Variants in UMODL1 observed in about 807,000 individuals in gnomAD.
UMODL1 encodes the protein uromodulin like 1.
UMODL1 carries 128 observed loss-of-function variants against 136.3 expected under a neutral mutation model. The ratio of observed to expected loss-of-function variants is 0.94; its 90% CI spans 0.81 to 1.09. The LOEUF (loss-of-function observed/expected upper bound fraction) is 1.09, where lower values mean the gene tolerates loss of function less well. Among genes scored for constraint, UMODL1 ranks in the 50% least tolerant of loss-of-function variants. UMODL1 has a pLI of 0.00. For synonymous variants in UMODL1, 721 were observed against 720.0 expected, an observed-to-expected ratio of 1.00 and a Z score of -0.02; for missense variants, 1,766 against 1,725.6, an observed-to-expected ratio of 1.02 and a Z score of -0.41.
At chr21:42,106,698 C>T (rs903044189) in intron 9 of UMODL1, among the ~76,000 whole-genome samples, 7 of 152,232 alleles carry the variant, frequency 4.6e-5, no homozygotes, top group African/African-American at 2.4e-5. Flanking sequence ...GTTGCACCCT[C>T]ACAGCGGCGG....
At chr21:42,092,719 C>T (rs1325537204) in intron 6 of UMODL1, among the ~76,000 whole-genome samples, 1 of 152,222 alleles carries the variant, frequency 6.6e-6, no homozygotes, top group Non-Finnish European at 1.5e-5. Context: ...TGAGGACCAT[C>T]CCTTTGTTCA....
At chr21:42,092,738 C>A (rs961565553) in intron 6 of UMODL1, among the ~76,000 whole-genome samples, 1 of 152,244 alleles carries the variant, frequency 6.6e-6, no homozygotes, top group Non-Finnish European at 1.5e-5. Context: ...CACAATAACA[C>A]CACAGCTGGC....
At position 42,084,243 on chromosome 21, in the gene UMODL1, A is replaced by G; in HGVS notation, c.479A>G (p.Gln160Arg). Reference protein sequence around the residue: ...GGRYCMAPAPQAPERDPVGSW... With the variant: ...GGRYCMAPAPRAPERDPVGSW... ...CGCTACTGCATGGCCCCTGCACCCCAAGGTAGGCTGCTGCGGGCCATGCTT... is the reference window on the plus strand; with the variant it reads ...CGCTACTGCATGGCCCCTGCACCCCGAGGTAGGCTGCTGCGGGCCATGCTT... The change falls in exon 3 of 23, where the codon CAA becomes CGA. Residue 160 changes from glutamine to arginine, a missense_variant and splice_region_variant. Coordinates refer to ENST00000408910, the MANE Select transcript of UMODL1 (RefSeq NM_001004416.3). 2 of 1,611,490 alleles carry G rather than the reference A, an allele frequency of 1.2e-6. No homozygotes were observed. Among genetic ancestry groups the G allele is most frequent in the South Asian group, 2.2e-5 (2 of 91,006 alleles).
chr21:42,081,720 AC>A (rs2066364302), intron 2 of UMODL1, among the ~76,000 whole-genome samples: 1 of 152,106 alleles, frequency 6.6e-6, no homozygotes, highest in Non-Finnish European at 1.5e-5. Flanking sequence ...GCTTCCCCTA[AC>A]GTTAGCATCT....
chr21:42,077,489 C>CA (rs35433780), intron 2 of UMODL1, among the ~76,000 whole-genome samples: 95,294 of 151,350 alleles, frequency 0.63, 30,711 homozygotes, highest in Middle Eastern at 0.7. Flanking sequence ...ATAAAGTAGG[C>CA]AAAAAGTTAA....
At chr21:42,101,330 T>C (rs1411720063) in intron 7 of UMODL1, among the ~76,000 whole-genome samples, 3 of 152,030 alleles carry the variant, frequency 2.0e-5, no homozygotes, top group Non-Finnish European at 4.4e-5. Flanking sequence ...GGAGTGCTCC[T>C]CCCTCTTGCT....
Position 42,122,412 on chromosome 21 carries a change from A to C in UMODL1, c.2828-419A>C, listed in dbSNP as rs964399709. 1.3e-5 allele frequency among the ~76,000 whole-genome samples: 2 copies of C among 152,188 alleles called. No individual in the cohort carries two copies. Among genetic ancestry groups the C allele is most frequent in the African/African-American group, 4.8e-5 (2 of 41,454 alleles). On this transcript the variant is annotated intron_variant, in intron 16 of 22. Coordinates refer to ENST00000408910, the MANE Select transcript of UMODL1 (RefSeq NM_001004416.3). This position sits in a 1 kb window ranked among gnomAD's most constrained non-coding sequence, Gnocchi z 4.3. Reference sequence around the variant, plus strand: ...CTTAGAGAATAGACTCAGGGCTCTCAGGGCAGAAGACTCACCCTGTATCCA... The same window carrying C: ...CTTAGAGAATAGACTCAGGGCTCTCCGGGCAGAAGACTCACCCTGTATCCA...
chr21:42,098,173 C>T (rs1195210981), intron 6 of UMODL1, among the ~76,000 whole-genome samples: 2 of 138,590 alleles, frequency 1.4e-5, no homozygotes, highest in East Asian at 4.5e-4. Flanking sequence ...ATACGGGTCC[C>T]CAGAGAGACT....
chr21:42,135,505 G>A lies in UMODL1; in HGVS notation c.3776-1934G>A, dbSNP rs371689688. On this transcript the variant is annotated intron_variant, in intron 21 of 22. Transcript: ENST00000408910. ...AGGGCTGAGAGTCCAGGGCCATTCC[G>A]GGCTGCAAAGGGCCAGCAGGAGCGG... 1.8e-3 allele frequency among the ~76,000 whole-genome samples: 270 copies of A among 152,258 alleles called. 1 individual carries two copies. Among genetic ancestry groups the A allele is most frequent in the Middle Eastern group, 6.8e-3 (2 of 294 alleles).
At chr21:42,126,908 T>C in intron 18 of UMODL1, 98 bp from the exon 19 acceptor site, 1 of 988,672 alleles carries the variant, frequency 1.0e-6, no homozygotes, top group Non-Finnish European at 1.6e-6. Context: ...ATTTGCACGT[T>C]CCTCTGGAGC....
chr21:42,110,383 C>T (rs2066803413), intron 10 of UMODL1, among the ~76,000 whole-genome samples: 3 of 152,256 alleles, frequency 2.0e-5, no homozygotes, highest in Non-Finnish European at 2.9e-5. Flanking sequence ...GAGACCAGTT[C>T]CCTGGGGAGA....
chr21:42,119,005 C>T (rs191260043), intron 14 of UMODL1, 106 bp from the exon 15 acceptor site: 566 of 1,181,718 alleles, frequency 4.8e-4, no homozygotes, highest in Non-Finnish European at 6.2e-4. Flanking sequence ...CTTTGTGCCA[C>T]GGGCCAGCCC....
intron 9 of UMODL1, among the ~76,000 whole-genome samples, chr21:42,106,989 C>A (rs1045863630): frequency 1.3e-5 from 2 of 152,188 alleles, no homozygotes; most frequent in South Asian, 4.1e-4. Context: ...GCTAACTCTT[C>A]CAGGATTAAC....
At chr21:42,065,400 G>A (rs973509376) in intron 1 of UMODL1, among the ~76,000 whole-genome samples, 2 of 152,172 alleles carry the variant, frequency 1.3e-5, no homozygotes, top group African/African-American at 2.4e-5. Flanking sequence ...TAGAAGCACC[G>A]TGGTCTGACC....
chr21:42,071,877 G>C (rs220275), intron 1 of UMODL1, among the ~76,000 whole-genome samples: 117,199 of 148,042 alleles, frequency 0.79, 46,831 homozygotes, highest in Admixed American at 0.88. Flanking sequence ...GAGACCCCAT[G>C]TGTACCAAAA....
rs138493359 is a variant in UMODL1, at chr21:42,138,246, G to A, written c.*21+605G>A. 2.6e-3 allele frequency among the ~76,000 whole-genome samples: 390 copies of A among 152,288 alleles called. 5 individuals are homozygous for A. Among genetic ancestry groups the A allele is most frequent in the African/African-American group, 8.6e-3 (358 of 41,548 alleles). On this transcript the variant is annotated intron_variant, in intron 22 of 22. Coordinates refer to ENST00000408910, the MANE Select transcript of UMODL1 (RefSeq NM_001004416.3). Reference sequence around the variant, plus strand: ...AATGGGAAGATGCCCAAGAGGCCCCGCTATGGGGTCTGACGCCCTCAATTG... The same window carrying A: ...AATGGGAAGATGCCCAAGAGGCCCCACTATGGGGTCTGACGCCCTCAATTG...
In UMODL1 at chr21:42,123,043, G is replaced by C; in HGVS notation, c.3040G>C (p.Glu1014Gln). The C allele has an allele frequency of 6.2e-7, 1 of 1,614,094 alleles. No individual in the cohort carries two copies. The highest frequency in any genetic ancestry group is 8.5e-7 in the Non-Finnish European group (1 of 1,180,030). ...KRFLQQESIPESSLYLSHPSC... is the reference protein window; with the variant it reads ...KRFLQQESIPQSSLYLSHPSC... ...CTTCCTGCAGCAGGAATCCATCCCC[G>C]AGTCCTCGTTGTACCTCAGCCACCC... The change falls in exon 17 of 23, where the codon GAG becomes CAG. Residue 1014 changes from glutamate (E) to glutamine (Q), a missense_variant. Physicochemically the swap from Glu to Gln is conservative, Grantham distance 29. Coordinates refer to ENST00000408910, the MANE Select transcript of UMODL1 (RefSeq NM_001004416.3). The surrounding 1 kb of genome is among the most constrained non-coding windows in gnomAD (Gnocchi z 4.4).
At chr21:42,129,842 C>A in intron 21 of UMODL1, 45 bp downstream of exon 21, 1 of 1,395,844 alleles carries the variant, frequency 7.2e-7, no homozygotes, top group Non-Finnish European at 9.7e-7. Flanking sequence ...AAGATGCAAC[C>A]GATTCCTTTT....
At chr21:42,127,872 C>A in intron 20 of UMODL1, 41 bp downstream of exon 20, 2 of 1,607,540 alleles carry the variant, frequency 1.2e-6, no homozygotes, top group Non-Finnish European at 1.7e-6. Context: ...GTTGGATTCA[C>A]GTTCCTTATT....
Sources: gnomAD v4.1 joint callset for allele counts (sites outside exome capture counted in the v4.1 genomes callset) on GRCh38, gnomAD v4.1.1 for gene constraint, Gnocchi (gnomAD v3.1) non-coding constraint, MANE v1.5 for transcripts, NCBI Gene and HGNC (gene_info 2026-07-23, HGNC 2026-07-21) for gene names.